Variants in FREM3 observed in about 807,000 individuals in gnomAD.
FREM3 encodes FRAS1 related extracellular matrix 3.
A neutral mutation model predicts 129.1 loss-of-function variants in FREM3; 105 were observed. The ratio of observed to expected loss-of-function variants is 0.81; its 90% CI spans 0.69 to 0.96. FREM3 has a LOEUF of 0.96. Ranked by LOEUF, FREM3 falls within the 40% of genes least tolerant of loss-of-function variation. The probability of loss-of-function intolerance (pLI) is 0.00; values close to 1 mark genes in which losing one functional copy is unlikely to be tolerated. For synonymous variants in FREM3, 1,014 were observed against 1,044.9 expected, an observed-to-expected ratio of 0.97 and a Z score of 0.57; for missense variants, 2,593 against 2,666.3, an observed-to-expected ratio of 0.97 and a Z score of 0.61.
At chr4:143,686,446 G>A (rs1740365290) in intron 2 of FREM3, among the ~76,000 whole-genome samples, 1 of 152,030 alleles carries the variant, frequency 6.6e-6, no homozygotes, top group African/African-American at 2.4e-5. Context: ...AAGAAACAAT[G>A]GATTTAAACT....
chr4:143,664,886 C>T (rs1739825620), intron 2 of FREM3, among the ~76,000 whole-genome samples: 2 of 150,086 alleles, frequency 1.3e-5, no homozygotes, highest in Non-Finnish European at 3.0e-5. Flanking sequence ...GTAGGACCCT[C>T]CAAGTCAGGT....
rs1740573886 is a variant in FREM3, at chr4:143,696,614, A to G, written c.4062T>C (p.Leu1354=). 1 of 1,537,634 alleles carries G rather than the reference A, an allele frequency of 6.5e-7. No individual in the cohort carries two copies. The highest frequency in any genetic ancestry group is 8.7e-7 in the Non-Finnish European group (1 of 1,147,014). ...CTCTGGGTTTTCTCAGCCTCTGTAGAAGCCCTTGTTGAGGCCCAGAATGGA... is the reference window on the plus strand; with the variant it reads ...CTCTGGGTTTTCTCAGCCTCTGTAGGAGCCCTTGTTGAGGCCCAGAATGGA... ...FVLHSGPQQG[L]LQRLRKPRGE... Residue 1354 remains leucine, a synonymous_variant, in exon 1 of 8, where the codon CTT becomes CTC. Coordinates refer to ENST00000329798, the MANE Select transcript of FREM3 (RefSeq NM_001168235.2).
intron 3 of FREM3, among the ~76,000 whole-genome samples, chr4:143,626,454 C>T (rs1365471342): frequency 6.6e-6 from 1 of 152,138 alleles, no homozygotes; most frequent in Non-Finnish European, 1.5e-5. Flanking sequence ...TTAGGGCAAA[C>T]ATTCAAATGG....
chr4:143,590,032 GCTCT>G (rs1487281638), intron 6 of FREM3, among the ~76,000 whole-genome samples: 2 of 151,752 alleles, frequency 1.3e-5, no homozygotes, highest in African/African-American at 2.4e-5. Flanking sequence ...TCATGATTTG[GCTCT>G]CTGTCTGTTA....
At position 143,700,640 on chromosome 4, in the gene FREM3, G is replaced by A. The variant is rs2149866517; in HGVS notation, c.36C>T (p.Pro12=). ...AGGCGAGCGCCACAAGGAGCTGCCGGGGCGTCCCAGTCGGGTGCCGAGAAG... is the reference window on the plus strand; with the variant it reads ...AGGCGAGCGCCACAAGGAGCTGCCGAGGCGTCCCAGTCGGGTGCCGAGAAG... ...AGASRHPTGT[P]RQLLVALACL... The change falls in exon 1 of 8, where the codon CCC becomes CCT. Residue 12 remains proline, a synonymous_variant. Transcript: ENST00000329798. The A allele has an allele frequency of 1.4e-6, 2 of 1,438,574 alleles. No individual in the cohort carries two copies. The highest frequency in any genetic ancestry group is 1.8e-6 in the Non-Finnish European group (2 of 1,100,624). The allele number at this position is 1,438,574 out of a possible 1,614,324, so 89.1% of individuals were successfully genotyped here.
chr4:143,676,933 G>A (rs1740145178), intron 2 of FREM3, among the ~76,000 whole-genome samples: 1 of 152,246 alleles, frequency 6.6e-6, no homozygotes, highest in Admixed American at 6.5e-5. Flanking sequence ...GTCATGAATA[G>A]GAAGAATTAA....
intron 2 of FREM3, among the ~76,000 whole-genome samples, chr4:143,640,776 A>G (rs1025551414): frequency 2.0e-5 from 3 of 152,206 alleles, no homozygotes; most frequent in African/African-American, 4.8e-5. Flanking sequence ...TAGAGCTTCC[A>G]TAAAATACTG....
At chr4:143,676,945 A>T (rs1740145528) in intron 2 of FREM3, among the ~76,000 whole-genome samples, 1 of 152,236 alleles carries the variant, frequency 6.6e-6, no homozygotes, top group South Asian at 2.1e-4. Flanking sequence ...AAGAATTAAT[A>T]TCGTGAAAAT....
chr4:143,653,149 C>G (rs1283205287), intron 2 of FREM3, among the ~76,000 whole-genome samples: 1 of 152,164 alleles, frequency 6.6e-6, no homozygotes. Flanking sequence ...TTGCCATGAC[C>G]TCAGCAGCTG....
intron 2 of FREM3, among the ~76,000 whole-genome samples, chr4:143,637,935 G>C (rs1317667492): frequency 6.6e-6 from 1 of 152,106 alleles, no homozygotes; most frequent in Non-Finnish European, 1.5e-5. Context: ...AAGGTGGCAG[G>C]TGTCAAGACT....
intron 4 of FREM3, among the ~76,000 whole-genome samples, chr4:143,622,396 C>T (rs1332250835): frequency 1.6e-5 from 2 of 127,632 alleles, no homozygotes; most frequent in African/African-American, 5.8e-5. Context: ...ACCCGGCTGG[C>T]AATCATCTTT....
intron 2 of FREM3, among the ~76,000 whole-genome samples, chr4:143,661,117 T>C (rs1181674779): frequency 6.6e-6 from 1 of 152,210 alleles, no homozygotes; most frequent in African/African-American, 2.4e-5. Context: ...TTTCCAACAC[T>C]ATGTTGAATA....
chr4:143,600,529 C>A (rs1248058439), intron 6 of FREM3, among the ~76,000 whole-genome samples: 2 of 152,108 alleles, frequency 1.3e-5, no homozygotes, highest in African/African-American at 4.8e-5. Flanking sequence ...TGTGTGCTTT[C>A]TATATAAAAA....
chr4:143,623,493 T>TTCCCC (rs1738989130), intron 4 of FREM3, among the ~76,000 whole-genome samples: 1 of 68,522 alleles, frequency 1.5e-5, no homozygotes. Flanking sequence ...TGAATACTAA[T>TTCCCC]CCCCCCCCCC....
intron 7 of FREM3, among the ~76,000 whole-genome samples, 157 bp from the exon 8 acceptor site, chr4:143,578,009 C>G (rs1339601990): frequency 5.3e-5 from 8 of 152,224 alleles, no homozygotes; most frequent in African/African-American, 1.9e-4. Flanking sequence ...GAAGGGGGAA[C>G]TTCCATATTC....
chr4:143,666,256 C>G (rs1386601425), intron 2 of FREM3, among the ~76,000 whole-genome samples: 1 of 151,970 alleles, frequency 6.6e-6, no homozygotes, highest in Non-Finnish European at 1.5e-5. Flanking sequence ...ATGCAAAAAC[C>G]AATTATATTA....
In FREM3 at chr4:143,677,571, G is replaced by C. The variant is rs556110913; in HGVS notation, c.5275+15542C>G. 2.1e-3 allele frequency among the ~76,000 whole-genome samples: 325 copies of C among 152,204 alleles called. 3 individuals carry two copies. Among genetic ancestry groups the C allele is most frequent in the African/African-American group, 7.4e-3 (307 of 41,544 alleles). Reference sequence around the variant, plus strand: ...ATCTAATTAAACTAAAGAGCTTCTGGACAGCAAAAGAAACTACCGTCAGAG... The same window carrying C: ...ATCTAATTAAACTAAAGAGCTTCTGCACAGCAAAAGAAACTACCGTCAGAG... On this transcript the variant is annotated intron_variant, in intron 2 of 7. Transcript: ENST00000329798.
chr4:143,655,674 G>A (rs1040760364), intron 2 of FREM3, among the ~76,000 whole-genome samples: 14 of 152,204 alleles, frequency 9.2e-5, no homozygotes, highest in East Asian at 5.8e-4. Flanking sequence ...TTTTGAATTC[G>A]TATCAAAAAC....
intron 2 of FREM3, among the ~76,000 whole-genome samples, chr4:143,635,923 G>T (rs1739225802): frequency 6.6e-6 from 1 of 152,098 alleles, no homozygotes; most frequent in Non-Finnish European, 1.5e-5. Flanking sequence ...GGAAGCATCA[G>T]GTTGTCAGGT....
Sources: allele counts gnomAD v4.1 joint callset (sites outside exome capture counted in the v4.1 genomes callset), GRCh38; gene constraint gnomAD v4.1.1; transcripts MANE v1.5; gene names NCBI Gene and HGNC (gene_info 2026-07-23, HGNC 2026-07-21).